Variants in RANBP2 observed in about 807,000 individuals in gnomAD.
The protein encoded by RANBP2 is RAN binding protein 2, also known as E3 SUMO-protein ligase RanBP2.
Under a neutral mutation model 303.6 loss-of-function variants are expected in RANBP2, and 57 were observed. That is an observed-to-expected ratio of 0.19 (90% CI 0.15 to 0.23). The LOEUF (loss-of-function observed/expected upper bound fraction) is 0.23. RANBP2 is among the 10% of genes least tolerant of loss of function. The pLI is 1.00. For missense variants in RANBP2, 3,138 were observed against 3,780.8 expected, an observed-to-expected ratio of 0.83 and a Z score of 4.46; for synonymous variants, 1,167 against 1,301.5, an observed-to-expected ratio of 0.90 and a Z score of 2.23.
chr2:109,660,145 A>G, the RANBP2 span, among the ~76,000 whole-genome samples: 1 of 152,156 alleles, frequency 6.6e-6, no homozygotes, highest in Non-Finnish European at 1.5e-5. Flanking sequence ...CTGTGTCACA[A>G]ATGAAAAATG....
At chr2:109,225,815 C>T in the RANBP2 span, among the ~76,000 whole-genome samples, 2 of 152,204 alleles carry the variant, frequency 1.3e-5, no homozygotes, top group East Asian at 3.9e-4. Context: ...GCCCGGGCTG[C>T]ACTGCAGAAG....
At chr2:109,135,917 G>T in the RANBP2 span, among the ~76,000 whole-genome samples, 1,172 of 152,276 alleles carry the variant, frequency 7.7e-3, 7 homozygotes, top group Non-Finnish European at 0.012. Flanking sequence ...AAAAACAGCA[G>T]GGGAGAATAA....
the RANBP2 span, among the ~76,000 whole-genome samples, chr2:109,235,445 A>G: frequency 6.6e-6 from 1 of 152,160 alleles, no homozygotes; most frequent in Non-Finnish European, 1.5e-5. Flanking sequence ...AAATCAGGTT[A>G]CTTTTGAGAG....
chr2:108,822,522 A>G, the RANBP2 span, among the ~76,000 whole-genome samples: 2 of 152,224 alleles, frequency 1.3e-5, no homozygotes, highest in African/African-American at 2.4e-5. Flanking sequence ...TCAAGTGTAC[A>G]TGGAACATCC....
At chr2:109,230,220 A>G in the RANBP2 span, among the ~76,000 whole-genome samples, 2 of 151,782 alleles carry the variant, frequency 1.3e-5, no homozygotes, top group African/African-American at 4.8e-5. Context: ...TCAACTTGGG[A>G]TGGTTTGACT....
At chr2:109,462,016 C>T in the RANBP2 span, among the ~76,000 whole-genome samples, 1 of 152,042 alleles carries the variant, frequency 6.6e-6, no homozygotes, top group Non-Finnish European at 1.5e-5. Context: ...TGTGCCCCCA[C>T]ACCACCAAAC....
In RANBP2 at chr2:108,736,595, T is replaced by G. The variant is rs541487681; in HGVS notation, c.782+346T>G. Among the ~76,000 whole-genome samples the G allele has an allele frequency of 3.0e-4, 46 of 152,338 alleles. 1 individual carries two copies. Among genetic ancestry groups the G allele is most frequent in the African/African-American group, 1.0e-3 (42 of 41,580 alleles). ...AAAATAGTATAATCTTGAGTGAAAA[T>G]TAAAGTTCATCTGTCATCAGATGGC... On this transcript the variant is annotated intron_variant, in intron 6 of 28. Coordinates refer to ENST00000283195, the MANE Select transcript of RANBP2 (RefSeq NM_006267.5).
Position 108,763,219 on chromosome 2 carries a change from T to G in RANBP2, c.2698-18T>G. On this transcript the variant is annotated intron_variant, in intron 19 of 28. Transcript: ENST00000283195. Reference sequence around the variant, plus strand: ...TTTGTAGACAATCTACAAAATGTTTTAACTTTCTGTCTTTTAGGGCCCAGT... The same window carrying G: ...TTTGTAGACAATCTACAAAATGTTTGAACTTTCTGTCTTTTAGGGCCCAGT... The G allele has an allele frequency of 6.2e-7, 1 of 1,612,676 alleles. No individual in the cohort carries two copies. Among genetic ancestry groups the G allele is most frequent in the Non-Finnish European group, 8.5e-7 (1 of 1,179,198 alleles).
At chr2:109,648,127 G>T in the RANBP2 span, among the ~76,000 whole-genome samples, 1 of 152,198 alleles carries the variant, frequency 6.6e-6, no homozygotes. Context: ...GAGAGGCACA[G>T]CCCCGCAGAA....
intron 18 of RANBP2, among the ~76,000 whole-genome samples, chr2:108,760,635 AT>A (rs1336117455): frequency 6.6e-6 from 1 of 152,112 alleles, no homozygotes; most frequent in African/African-American, 2.4e-5. Context: ...AGTGATATCA[AT>A]TTTTAAGTTT....
chr2:109,079,202 C>A, the RANBP2 span, among the ~76,000 whole-genome samples: 4 of 152,118 alleles, frequency 2.6e-5, no homozygotes, highest in African/African-American at 9.7e-5. Context: ...AGGATGAGGA[C>A]CTTTAGGGTG....
At chr2:109,146,637 G>A in the RANBP2 span, among the ~76,000 whole-genome samples, 1 of 152,182 alleles carries the variant, frequency 6.6e-6, no homozygotes. Context: ...ATGGGTGGCT[G>A]ACTGACCATC....
chr2:109,080,645 T>C, the RANBP2 span, among the ~76,000 whole-genome samples: 1 of 152,152 alleles, frequency 6.6e-6, no homozygotes, highest in Non-Finnish European at 1.5e-5. Context: ...TTTCAAGAAC[T>C]ATTCTTGGGT....
chr2:109,585,008 G>T, the RANBP2 span: 1 of 466,692 alleles, frequency 2.1e-6, no homozygotes, highest in Non-Finnish European at 3.7e-6. Context: ...TTAAAACAAT[G>T]TGTGGAAGGA....
the RANBP2 span, among the ~76,000 whole-genome samples, chr2:108,853,878 A>AATATATT: frequency 8.0e-6 from 1 of 124,856 alleles, no homozygotes; most frequent in Admixed American, 1.0e-4. Context: ...TATACTATAT[A>AATATATT]ATATATTATA....
At chr2:108,908,024 A>C in the RANBP2 span, 1 of 1,606,678 alleles carries the variant, frequency 6.2e-7, no homozygotes, top group Non-Finnish European at 8.5e-7. Context: ...TTCTCGCTGC[A>C]AAAACAAGAG....
the RANBP2 span, among the ~76,000 whole-genome samples, chr2:108,827,127 TCTAAA>T: frequency 6.6e-6 from 1 of 152,166 alleles, no homozygotes; most frequent in Non-Finnish European, 1.5e-5. Context: ...TTAACATTAT[TCTAAA>T]GCAAAATGAT....
chr2:109,548,775 C>CAAAAAAAAAAAAA, the RANBP2 span, among the ~76,000 whole-genome samples: 2 of 63,542 alleles, frequency 3.1e-5, no homozygotes, highest in Non-Finnish European at 3.0e-5. Context: ...GGCTCCATCT[C>CAAAAAAAAAAAAA]AAAAAAAAAA....
At chr2:109,161,198 C>T in the RANBP2 span, among the ~76,000 whole-genome samples, 1 of 152,126 alleles carries the variant, frequency 6.6e-6, no homozygotes, top group Admixed American at 6.5e-5. Context: ...TAGTTAAATC[C>T]TGGGGGCAGG....
Sources: allele counts gnomAD v4.1 joint callset (sites outside exome capture counted in the v4.1 genomes callset), GRCh38; gene constraint gnomAD v4.1.1; transcripts MANE v1.5; gene names NCBI Gene and HGNC (gene_info 2026-07-23, HGNC 2026-07-21).